BLTP3A: variants seen among roughly 807,000 people sequenced by gnomAD.
The protein encoded by BLTP3A is ICBP90 binding protein 1.
the BLTP3A span, chr6:34,834,545 T>C: frequency 7.3e-7 from 1 of 1,369,858 alleles, no homozygotes; most frequent in Admixed American, 2.3e-5. Context: ...TTCTGTCCAG[T>C]GTTACTGCTA....
chr6:34,821,636 A>G, the BLTP3A span: 12 of 1,591,632 alleles, frequency 7.5e-6, no homozygotes, highest in Non-Finnish European at 1.0e-5. Context: ...ATAGCTTCTT[A>G]TCATTACTCT....
At chr6:34,858,402 C>T in the BLTP3A span, 63 of 1,614,080 alleles carry the variant, frequency 3.9e-5, no homozygotes, top group Non-Finnish European at 5.2e-5. Context: ...CTAATACCCT[C>T]CCTCCCCAGA....
the BLTP3A span, among the ~76,000 whole-genome samples, chr6:34,803,373 A>C: frequency 6.6e-6 from 1 of 151,776 alleles, no homozygotes. Flanking sequence ...TCTCTTACTC[A>C]CCTCTGGAGG....
At chr6:34,797,325 T>A in the BLTP3A span, among the ~76,000 whole-genome samples, 1 of 152,196 alleles carries the variant, frequency 6.6e-6, no homozygotes, top group Non-Finnish European at 1.5e-5. Context: ...TAGATGAAAT[T>A]CAGAGGCATA....
chr6:34,831,750 C>T, the BLTP3A span, among the ~76,000 whole-genome samples: 1 of 152,218 alleles, frequency 6.6e-6, no homozygotes, highest in Non-Finnish European at 1.5e-5. Flanking sequence ...TTTCCCCCTG[C>T]ACTGTCACCT....
At chr6:34,838,157 A>G in the BLTP3A span, among the ~76,000 whole-genome samples, 1 of 152,240 alleles carries the variant, frequency 6.6e-6, no homozygotes, top group South Asian at 2.1e-4. Context: ...TCTTACAAGG[A>G]GATTCTGTAC....
At chr6:34,837,249 C>G in the BLTP3A span, among the ~76,000 whole-genome samples, 2 of 152,130 alleles carry the variant, frequency 1.3e-5, no homozygotes, top group Non-Finnish European at 2.9e-5. Context: ...ATAATAAGAT[C>G]TAGATTCACT....
the BLTP3A span, among the ~76,000 whole-genome samples, chr6:34,794,172 A>G: frequency 6.7e-6 from 1 of 149,444 alleles, no homozygotes. Flanking sequence ...AAAAAAAAGT[A>G]TATTTTAAGA....
At chr6:34,866,340 T>C in the BLTP3A span, among the ~76,000 whole-genome samples, 1 of 151,538 alleles carries the variant, frequency 6.6e-6, no homozygotes, top group African/African-American at 2.4e-5. Context: ...GAGGTGGAGG[T>C]TGTAGTGAGC....
the BLTP3A span, among the ~76,000 whole-genome samples, chr6:34,833,745 G>A: frequency 6.6e-6 from 1 of 151,826 alleles, no homozygotes; most frequent in African/African-American, 2.4e-5. Context: ...TGGCCAACAT[G>A]GGGAAACCCC....
the BLTP3A span, among the ~76,000 whole-genome samples, chr6:34,826,645 A>ACT: frequency 6.6e-6 from 1 of 152,150 alleles, no homozygotes; most frequent in Non-Finnish European, 1.5e-5. Context: ...GACGTGAGCG[A>ACT]CTGTGCCTGG....
the BLTP3A span, among the ~76,000 whole-genome samples, chr6:34,822,515 G>A: frequency 1.2e-4 from 18 of 152,152 alleles, no homozygotes; most frequent in Admixed American, 1.0e-3. Flanking sequence ...CTGGGGTTAC[G>A]GGCGTGAGCC....
At chr6:34,829,623 A>G in the BLTP3A span, among the ~76,000 whole-genome samples, 3 of 151,704 alleles carry the variant, frequency 2.0e-5, no homozygotes, top group African/African-American at 4.8e-5. Context: ...AGATGCTTCT[A>G]GTTTCTGGTT....
chr6:34,834,088 C>T, the BLTP3A span: 66 of 1,044,910 alleles, frequency 6.3e-5, 2 homozygotes, highest in South Asian at 1.1e-3. Flanking sequence ...GGTAACAGAG[C>T]AAGAACCTGT....
At chr6:34,821,886 A>G in the BLTP3A span, 1 of 1,614,248 alleles carries the variant, frequency 6.2e-7, no homozygotes, top group Non-Finnish European at 8.5e-7. Context: ...GTCAGCTACC[A>G]CAGCCCTGAG....
the BLTP3A span, among the ~76,000 whole-genome samples, chr6:34,793,069 A>G: frequency 6.6e-6 from 1 of 152,166 alleles, no homozygotes; most frequent in Non-Finnish European, 1.5e-5. Flanking sequence ...TTTTTTTGAC[A>G]GCCTGTGAAA....
the BLTP3A span, chr6:34,834,698 G>A: frequency 6.2e-7 from 1 of 1,611,922 alleles, no homozygotes. Context: ...AGGATTAAGG[G>A]ATTGTACTTT....
the BLTP3A span, chr6:34,867,603 T>G: frequency 6.2e-7 from 1 of 1,612,958 alleles, no homozygotes; most frequent in Non-Finnish European, 8.5e-7. Flanking sequence ...AGTTCCTGCA[T>G]GGACAGTGCC....
chr6:34,838,457 G>T, the BLTP3A span, among the ~76,000 whole-genome samples: 1 of 151,946 alleles, frequency 6.6e-6, no homozygotes, highest in East Asian at 1.9e-4. Context: ...GGGTAAGAAA[G>T]GTAGTGAAAG....
Sources: gnomAD v4.1 joint callset for allele counts (sites outside exome capture counted in the v4.1 genomes callset) on GRCh38, gnomAD v4.1.1 for gene constraint, MANE v1.5 for transcripts, NCBI Gene and HGNC (gene_info 2026-07-23, HGNC 2026-07-21) for gene names.